The following FAH variants were observed in gnomAD, a reference collection of about 807,000 sequenced individuals.
FAH encodes fumarylacetoacetate hydrolase, also known as fumarylacetoacetase.
In FAH, 47 loss-of-function variants were observed where a neutral mutation model predicts 55.8. That is an observed-to-expected ratio of 0.84 (90% CI 0.67 to 1.07). FAH has a LOEUF of 1.07. FAH is among the 50% of genes least tolerant of loss of function. The pLI, the probability that FAH is intolerant of heterozygous loss-of-function variation, is 0.00. For missense variants in FAH, 495 were observed against 545.9 expected (o/e 0.91, Z 0.93); for synonymous variants, 199 against 207.7 (o/e 0.96, Z 0.36).
rs1325951062 is a variant in FAH at position 80,159,858 on chromosome 15, G to A, written c.295G>A (p.Asp99Asn). ...LSVSQARLRD[D>N]TELRKCAFIS... ...TGTGAGCCAAGCCAGGCTCAGAGATGACACCGAACTTCGGAAGTGGTGAGA... is the reference window on the plus strand; with the variant it reads ...TGTGAGCCAAGCCAGGCTCAGAGATAACACCGAACTTCGGAAGTGGTGAGA... Residue 99 changes from aspartate (D) to asparagine (N), a missense_variant, in exon 3 of 14, where the codon GAC (aspartate) becomes AAC (asparagine). By Grantham distance (23) the Asp-to-Asn change is conservative (BLOSUM62 1). Coordinates refer to ENST00000561421, the MANE Select transcript of FAH (RefSeq NM_000137.4). 1 of 1,614,244 alleles carries A rather than the reference G, an allele frequency of 6.2e-7. No individual in the cohort carries two copies. Among genetic ancestry groups the A allele is most frequent in the African/African-American group, 1.3e-5 (1 of 75,072 alleles).
chr15:80,163,249 G>A (rs1007442190), intron 5 of FAH: 1 of 152,422 alleles, frequency 6.6e-6, no homozygotes, highest in African/African-American at 2.4e-5. Flanking sequence ...CAGGCTCCAG[G>A]TTCCAGGCTT....
intron 13 of FAH, among the ~76,000 whole-genome samples, chr15:80,182,318 G>A (rs2041338315): frequency 6.6e-6 from 1 of 152,114 alleles, no homozygotes; most frequent in African/African-American, 2.4e-5. Flanking sequence ...AACATTCACA[G>A]GTCCTAGGGA....
Position 80,181,037 on chromosome 15 carries a change from TGAAG to T in FAH, c.1063-2_1064del. ...TTATTCTTTCTTCCCTTTCCTGTGA[TGAAG>T]GAGCCAGAAAACTTCGGCTCCATGT... On this transcript the variant is annotated splice_acceptor_variant and splice_polypyrimidine_tract_variant and intron_variant, in intron 12 of 13. Transcript: ENST00000561421. LOFTEE classifies it high-confidence loss of function. The T allele has an allele frequency of 6.2e-7, 1 of 1,608,118 alleles. No homozygotes were observed. Among genetic ancestry groups the T allele is most frequent in the Non-Finnish European group, 8.5e-7 (1 of 1,174,936 alleles).
At chr15:80,169,823 G>A (rs566929930) in intron 7 of FAH, among the ~76,000 whole-genome samples, 5 of 152,276 alleles carry the variant, frequency 3.3e-5, no homozygotes, top group East Asian at 1.9e-4. Context: ...ATGAGCCACC[G>A]CGCTCGGCCA....
intron 5 of FAH, chr15:80,163,710 A>G (rs1227162267): frequency 6.6e-6 from 1 of 152,262 alleles, no homozygotes; most frequent in Non-Finnish European, 1.5e-5. Context: ...GAAAATATGT[A>G]AACATTTACA....
chr15:80,161,050 T>C (rs1447103171), intron 4 of FAH, among the ~76,000 whole-genome samples: 1 of 152,208 alleles, frequency 6.6e-6, no homozygotes, highest in Admixed American at 6.5e-5. Context: ...GAACAGCTCC[T>C]GCTGTCCGGG....
At chr15:80,155,986 G>A (rs2041095648) in intron 1 of FAH, 1 of 470,908 alleles carries the variant, frequency 2.1e-6, no homozygotes, top group Non-Finnish European at 4.2e-6. Context: ...GACCATTGAA[G>A]CACAGCACCA....
chr15:80,155,865 A>C (rs2041094669), intron 1 of FAH: 3 of 468,356 alleles, frequency 6.4e-6, no homozygotes, highest in Non-Finnish European at 1.3e-5. Flanking sequence ...ATGCACTTAT[A>C]AGAAAGATCA....
chr15:80,160,160 A>C (rs929103654), intron 3 of FAH: 1 of 635,466 alleles, frequency 1.6e-6, no homozygotes, highest in Non-Finnish European at 2.8e-6. Context: ...CTGTGACCTC[A>C]TCTGGTTTCT....
At chr15:80,164,514 G>A (rs1228954668) in intron 5 of FAH, among the ~76,000 whole-genome samples, 1 of 151,178 alleles carries the variant, frequency 6.6e-6, no homozygotes, top group Non-Finnish European at 1.5e-5. Flanking sequence ...CTTTTGGAGG[G>A]CTATTTTTCA....
At chr15:80,154,674 T>G (rs1214929165) in intron 1 of FAH, among the ~76,000 whole-genome samples, 3 of 152,212 alleles carry the variant, frequency 2.0e-5, no homozygotes, top group African/African-American at 7.2e-5. Flanking sequence ...CTTTCCTAAT[T>G]TGAGTGGAAT....
chr15:80,159,097 G>A (rs551099314), intron 2 of FAH, among the ~76,000 whole-genome samples: 1 of 152,050 alleles, frequency 6.6e-6, no homozygotes, highest in South Asian at 2.1e-4. Flanking sequence ...AATTAGCTGG[G>A]TGTGGCAGTG....
Position 80,155,864 on chromosome 15 carries a change from T to A in FAH, c.82-2196T>A. On this transcript the variant is annotated intron_variant, in intron 1 of 13. Transcript: ENST00000561421. Reference sequence around the variant, plus strand: ...GTCAGCATTTTCTTCTATGCACTTATAAGAAAGATCAAAGACTTTAAGACT... The same window carrying A: ...GTCAGCATTTTCTTCTATGCACTTAAAAGAAAGATCAAAGACTTTAAGACT... 6.4e-6 allele frequency: 3 copies of A among 468,232 alleles called. No homozygotes were observed. The Admixed American group carries it at 7.0e-5, about 11-fold the overall frequency. 29.0% of individuals were successfully genotyped at this position (468,232 alleles called of 1,614,324 possible). A position where few individuals can be genotyped will look rare whatever the true frequency, so the allele number is the denominator to read the frequency against.
At chr15:80,164,529 A>AAC (rs10653816) in intron 5 of FAH, among the ~76,000 whole-genome samples, 12,327 of 150,712 alleles carry the variant, frequency 0.082, 560 homozygotes, top group Admixed American at 0.092. Flanking sequence ...TTTTCAGCTT[A>AAC]ACACACACAC....
chr15:80,155,710 C>T (rs1488541858), intron 1 of FAH, among the ~76,000 whole-genome samples: 1 of 151,856 alleles, frequency 6.6e-6, no homozygotes, highest in Admixed American at 6.6e-5. Flanking sequence ...TTATTGCACA[C>T]AAGACAAGGG....
chr15:80,177,406 A>C (rs1236268630), intron 10 of FAH, 131 bp from the exon 11 acceptor site: 1 of 860,330 alleles, frequency 1.2e-6, no homozygotes, highest in Non-Finnish European at 1.9e-6. Context: ...CTAGGAGCTA[A>C]TTGTTTCACA....
chr15:80,177,329 G>A (rs545084715), intron 10 of FAH: 11 of 603,894 alleles, frequency 1.8e-5, no homozygotes, highest in East Asian at 8.6e-5. Context: ...TGCTGTAGGC[G>A]TGGGAGGAGG....
At chr15:80,161,304 T>G (rs2041146968) in intron 4 of FAH, among the ~76,000 whole-genome samples, 1 of 151,984 alleles carries the variant, frequency 6.6e-6, no homozygotes, top group Non-Finnish European at 1.5e-5. Flanking sequence ...ATTTATTCTT[T>G]TGAAAAATCT....
At chr15:80,168,944 AAC>A (rs2041218547) in intron 7 of FAH, among the ~76,000 whole-genome samples, 1 of 152,224 alleles carries the variant, frequency 6.6e-6, no homozygotes, top group Admixed American at 6.5e-5. Context: ...TTTAAGCAGA[AAC>A]ACACATAAAA....
Sources: allele counts gnomAD v4.1 joint callset (sites outside exome capture counted in the v4.1 genomes callset), GRCh38; gene constraint gnomAD v4.1.1; transcripts MANE v1.5; gene names NCBI Gene and HGNC (gene_info 2026-07-23, HGNC 2026-07-21).